The following MYCBP2 variants were observed in gnomAD, a reference collection of about 807,000 sequenced individuals.
MYCBP2 encodes the protein MYC binding protein 2.
MYCBP2 carries 120 observed loss-of-function variants against 525.3 expected under a neutral mutation model. The ratio of observed to expected loss-of-function variants is 0.23; its 90% CI spans 0.20 to 0.27. MYCBP2 has a LOEUF of 0.27. Ranked by LOEUF, MYCBP2 falls within the 10% of genes least tolerant of loss-of-function variation. The pLI is 1.00. For missense variants in MYCBP2, 4,149 were observed against 5,657.1 expected (o/e 0.73, Z 8.55); for synonymous variants, 1,894 against 1,955.8 (o/e 0.97, Z 0.83).
intron 46 of MYCBP2, among the ~76,000 whole-genome samples, chr13:77,151,588 C>T (rs1037270669): frequency 3.3e-5 from 5 of 152,242 alleles, no homozygotes; most frequent in Admixed American, 6.5e-5. Flanking sequence ...GACTATCTTT[C>T]GTCCACTAAC....
Position 77,273,454 on chromosome 13 carries a change from G to C in MYCBP2, c.945+18C>G, listed in dbSNP as rs747539039. 1.3e-5 allele frequency: 20 copies of C among 1,550,278 alleles called. No individual in the cohort carries two copies. Among genetic ancestry groups the C allele is most frequent in the African/African-American group, 2.8e-5 (2 of 72,280 alleles). On this transcript the variant is annotated intron_variant, in intron 5 of 82. Transcript: ENST00000544440. ...TTGTCATCTTATAAACTTCTAAGCAGATATAAATATGAAATACCTGAATAG... is the reference window on the plus strand; with the variant it reads ...TTGTCATCTTATAAACTTCTAAGCACATATAAATATGAAATACCTGAATAG...
Position 77,081,668 on chromosome 13 carries a change from T to A in MYCBP2, c.11194-17A>T. 6.3e-7 allele frequency: 1 copy of A among 1,586,374 alleles called. No individual in the cohort carries two copies. The highest frequency in any genetic ancestry group is 8.6e-7 in the Non-Finnish European group (1 of 1,165,842). On this transcript the variant is annotated splice_polypyrimidine_tract_variant and intron_variant, in intron 64 of 82. Coordinates refer to ENST00000544440, the MANE Select transcript of MYCBP2 (RefSeq NM_015057.5). This position sits in a 1 kb window ranked among gnomAD's most constrained non-coding sequence, Gnocchi z 4.6. The stretch of plus-strand genomic sequence containing the variant: ...GCATAATTCCTATCAGAAACAAATA[T>A]AAGTACTTATGATACTTAAAAGCAA...
intron 39 of MYCBP2, 70 bp from the exon 40 acceptor site, chr13:77,168,716 T>C: frequency 7.3e-7 from 1 of 1,368,714 alleles, no homozygotes; most frequent in South Asian, 1.3e-5. Context: ...TGCATTACAA[T>C]AATTGTTGGT....
intron 17 of MYCBP2, among the ~76,000 whole-genome samples, chr13:77,238,727 C>T (rs9600840): frequency 0.058 from 8,818 of 152,242 alleles, 369 homozygotes; most frequent in African/African-American, 0.11. Context: ...AATATCATTG[C>T]TTTCTTGGGT....
intron 30 of MYCBP2, among the ~76,000 whole-genome samples, chr13:77,186,659 A>G (rs373855283): frequency 1.5e-4 from 23 of 152,136 alleles, no homozygotes; most frequent in African/African-American, 5.6e-4. Flanking sequence ...TGAGTTTAAG[A>G]TGGTAGATTT....
At chr13:77,312,362 A>G (rs2080358528) in intron 1 of MYCBP2, among the ~76,000 whole-genome samples, 1 of 152,082 alleles carries the variant, frequency 6.6e-6, no homozygotes, top group Admixed American at 6.5e-5. Flanking sequence ...TAAAGTACAC[A>G]TGACTGTCGA....
chr13:77,153,089 T>C lies in MYCBP2; in HGVS notation c.6916-2140A>G, dbSNP rs975335837. 4.5e-5 allele frequency among the ~76,000 whole-genome samples: 6 copies of C among 134,736 alleles called. No individual in the cohort carries two copies. The South Asian group carries it at 7.1e-4, about 16-fold the overall frequency. The allele number at this position is 134,736 out of a possible 152,430, so 88.4% of individuals were successfully genotyped here. ...CAAAAAAAAAAAAAAAAAAAAAAAA[T>C]CTGCTGTATTCACGCATTCATCGCG... On this transcript the variant is annotated intron_variant, in intron 46 of 82. Coordinates refer to ENST00000544440, the MANE Select transcript of MYCBP2 (RefSeq NM_015057.5).
intron 3 of MYCBP2, among the ~76,000 whole-genome samples, chr13:77,284,076 CAAAAGCA>C (rs1263588700): frequency 1.3e-5 from 2 of 151,786 alleles, no homozygotes; most frequent in Non-Finnish European, 2.9e-5. Flanking sequence ...AACACAAAAA[CAAAAGCA>C]AAAAGCAAAA....
chr13:77,279,654 T>C (rs1438824798), intron 3 of MYCBP2, among the ~76,000 whole-genome samples: 1 of 152,166 alleles, frequency 6.6e-6, no homozygotes, highest in African/African-American at 2.4e-5. Flanking sequence ...TTAATTCTAT[T>C]GAACACAACA....
intron 12 of MYCBP2, 93 bp from the exon 13 acceptor site, chr13:77,260,685 A>G (rs2073119567): frequency 4.5e-6 from 5 of 1,116,986 alleles, no homozygotes; most frequent in Non-Finnish European, 6.2e-6. Context: ...AACCCATATT[A>G]TTTGCATTTA....
chr13:77,225,984 T>TTTTA, intron 18 of MYCBP2, among the ~76,000 whole-genome samples: 1 of 152,240 alleles, frequency 6.6e-6, no homozygotes, highest in Non-Finnish European at 1.5e-5. Flanking sequence ...GCTAATGGAT[T>TTTTA]CACAAGTGAC....
intron 1 of MYCBP2, among the ~76,000 whole-genome samples, chr13:77,304,966 T>C (rs1289767764): frequency 6.6e-6 from 1 of 151,832 alleles, no homozygotes; most frequent in Non-Finnish European, 1.5e-5. Flanking sequence ...AAAAATGTAA[T>C]ATCTGAATAG....
chr13:77,148,116 C>T (rs1470079325), intron 47 of MYCBP2, among the ~76,000 whole-genome samples: 1 of 150,634 alleles, frequency 6.6e-6, no homozygotes, highest in Non-Finnish European at 1.5e-5. Context: ...GAATTTTTAG[C>T]CTTGCTTTTT....
intron 55 of MYCBP2, chr13:77,099,586 A>C (rs1301190349): frequency 1.9e-5 from 3 of 155,846 alleles, no homozygotes; most frequent in Non-Finnish European, 4.3e-5. Flanking sequence ...AGATTAGACT[A>C]GTTTACAATG....
At position 77,150,898 on chromosome 13, in the gene MYCBP2, C is replaced by T; in HGVS notation, c.6967G>A (p.Asp2323Asn). 6.2e-7 allele frequency: 1 copy of T among 1,614,080 alleles called. No homozygotes were observed. Among genetic ancestry groups the T allele is most frequent in the Non-Finnish European group, 8.5e-7 (1 of 1,180,000 alleles). The part of the protein sequence containing the change: ...VSQKKMSLQQ[D>N]QAKKPQRIPG... ...ATCCTTTGAGGTTTCTTTGCTTGAT[C>T]TTGTTGTAAAGACATTTTTTTCTGA... is the stretch of plus-strand genomic sequence containing the variant. Residue 2323 changes from aspartate (D) to asparagine (N), a missense_variant, in exon 47 of 83, where the codon GAT (aspartate) becomes AAT (asparagine). This residue lies in a region of MYCBP2 where 692 missense variants were observed against 852.7 expected (regional missense o/e 0.81). Coordinates refer to ENST00000544440, the MANE Select transcript of MYCBP2 (RefSeq NM_015057.5).
intron 69 of MYCBP2, among the ~76,000 whole-genome samples, chr13:77,069,041 AT>A (rs1237200359): frequency 1.3e-5 from 2 of 152,204 alleles, no homozygotes; most frequent in African/African-American, 4.8e-5. Context: ...AAATGGAAAT[AT>A]TTAAATCAAC....
chr13:77,249,838 C>G (rs925306591), intron 15 of MYCBP2, among the ~76,000 whole-genome samples: 9 of 152,166 alleles, frequency 5.9e-5, no homozygotes, highest in Admixed American at 6.5e-5. Flanking sequence ...AAACAGAAAA[C>G]AGAGCCAAAC....
intron 55 of MYCBP2, among the ~76,000 whole-genome samples, chr13:77,120,246 A>T (rs773681399): frequency 6.6e-6 from 1 of 152,182 alleles, no homozygotes; most frequent in Non-Finnish European, 1.5e-5. Context: ...AAGTACAAAG[A>T]TCTAGCTTAA....
chr13:77,235,169 G>A (rs963136137), intron 17 of MYCBP2, among the ~76,000 whole-genome samples: 29 of 151,842 alleles, frequency 1.9e-4, no homozygotes, highest in Non-Finnish European at 4.1e-4. Context: ...AGGTCTCACT[G>A]GAATTCAGTC....
Sources: gnomAD v4.1 joint callset for allele counts (sites outside exome capture counted in the v4.1 genomes callset) on GRCh38, gnomAD v4.1.1 for gene constraint, gnomAD v4.1.1 regional missense constraint, Gnocchi (gnomAD v3.1) non-coding constraint, MANE v1.5 for transcripts, NCBI Gene and HGNC (gene_info 2026-07-23, HGNC 2026-07-21) for gene names.